LUC7L3: variants seen among roughly 807,000 people sequenced by gnomAD.
LUC7L3 encodes the protein LUC7 like 3 pre-mRNA splicing factor.
In LUC7L3, 6 loss-of-function variants were observed where a neutral mutation model predicts 66.8. The observed-to-expected ratio is 0.09, with a 90% CI of 0.05 to 0.18. The LOEUF (loss-of-function observed/expected upper bound fraction) is 0.18, where lower values mean the gene tolerates loss of function less well. Among genes scored for constraint, LUC7L3 ranks in the 10% least tolerant of loss-of-function variants. LUC7L3 has a pLI of 1.00. For missense variants in LUC7L3, 341 were observed against 531.1 expected, an observed-to-expected ratio of 0.64 and a Z score of 3.52; for synonymous variants, 160 against 174.7, an observed-to-expected ratio of 0.92 and a Z score of 0.66.
chr17:50,741,064 A>G, intron 3 of LUC7L3, 38 bp from the exon 4 acceptor site: 1 of 1,608,642 alleles, frequency 6.2e-7, no homozygotes, highest in Non-Finnish European at 8.5e-7. Context: ...ATGGCTGAAG[A>G]TTTGGAAATG....
intron 9 of LUC7L3, 91 bp from the exon 10 acceptor site, chr17:50,750,410 C>A: frequency 8.3e-7 from 1 of 1,202,040 alleles, no homozygotes. Flanking sequence ...ATGATTGTCT[C>A]TCATCTCTCA....
chr17:50,744,979 T>G (rs972631061), intron 7 of LUC7L3, among the ~76,000 whole-genome samples, 166 bp downstream of exon 7: 5 of 152,000 alleles, frequency 3.3e-5, no homozygotes, highest in Admixed American at 6.6e-5. Flanking sequence ...GCCTGGCTAA[T>G]TTTTGTTTGT....
At chr17:50,728,861 C>CT (rs893969865) in intron 1 of LUC7L3, among the ~76,000 whole-genome samples, 9 of 151,510 alleles carry the variant, frequency 5.9e-5, no homozygotes, top group Non-Finnish European at 1.0e-4. Context: ...GCTTGTGTTC[C>CT]TTTTTTTTAA....
intron 4 of LUC7L3, 52 bp downstream of exon 4, chr17:50,741,298 C>T: frequency 6.5e-7 from 1 of 1,546,320 alleles, no homozygotes; most frequent in Non-Finnish European, 8.8e-7. Flanking sequence ...TCTGGAGATT[C>T]AGAGACCTCC....
chr17:50,724,685 G>A (rs1403610558), intron 1 of LUC7L3, among the ~76,000 whole-genome samples: 1 of 150,948 alleles, frequency 6.6e-6, no homozygotes, highest in Non-Finnish European at 1.5e-5. Context: ...CTCACAAAAG[G>A]AGAAGGTAGC....
At chr17:50,737,854 G>GA (rs982820249) in intron 2 of LUC7L3, among the ~76,000 whole-genome samples, 6 of 152,122 alleles carry the variant, frequency 3.9e-5, no homozygotes, top group African/African-American at 1.4e-4. Flanking sequence ...CCACAAAATA[G>GA]AAAAAAATAA....
rs761990284 is a variant in LUC7L3 at position 50,753,476 on chromosome 17, A to G, written c.*2815A>G. ...TCCACCAAACTTTGAAAAATAATGA[A>G]GCCGCCCCCACTTTAGAGGCTCTGT... is the stretch of plus-strand genomic sequence containing the variant. On this transcript the variant is annotated 3_prime_UTR_variant, in exon 10 of 10. Coordinates refer to ENST00000505658, the MANE Select transcript of LUC7L3 (RefSeq NM_016424.5). 1.3e-5 allele frequency: 2 copies of G among 152,276 alleles called. No homozygotes were observed. The highest frequency in any genetic ancestry group is 4.8e-5 in the African/African-American group (2 of 41,436). 9.4% of individuals were successfully genotyped at this position (152,276 alleles called of 1,614,324 possible).
intron 5 of LUC7L3, 97 bp from the exon 6 acceptor site, chr17:50,743,609 A>T: frequency 1.3e-6 from 1 of 751,408 alleles, no homozygotes; most frequent in Non-Finnish European, 2.2e-6. Context: ...AACCAAACAA[A>T]AAAGATGGAA....
At chr17:50,749,220 G>A in intron 9 of LUC7L3, 18 of 1,289,116 alleles carry the variant, frequency 1.4e-5, no homozygotes, top group Non-Finnish European at 1.8e-5. Flanking sequence ...TTTACATAGG[G>A]CAGAAGATAA....
intron 1 of LUC7L3, among the ~76,000 whole-genome samples, chr17:50,735,170 C>T (rs897173343): frequency 1.4e-4 from 21 of 148,106 alleles, no homozygotes; most frequent in Admixed American, 1.4e-4. Context: ...GGAGAGGTTG[C>T]GGTGAGCCAA....
intron 2 of LUC7L3, chr17:50,738,202 A>G (rs1421387485): frequency 2.2e-6 from 1 of 446,700 alleles, no homozygotes; most frequent in Non-Finnish European, 4.5e-6. Flanking sequence ...CTCTGCAGGT[A>G]CTGACCCTTG....
Position 50,736,973 on chromosome 17 carries a change from A to G in LUC7L3, c.113A>G (p.Tyr38Cys), listed in dbSNP as rs774737192. The G allele has an allele frequency of 6.2e-7, 1 of 1,609,318 alleles. No individual in the cohort carries two copies. Among genetic ancestry groups the G allele is most frequent in the South Asian group, 1.1e-5 (1 of 90,124 alleles). ...TTTCTTTACTAGGTTTGTAAATATT[A>G]TCTCTGTGGTTTTTGTCCTGCGGAA... ...RWDHESVCKYYLCGFCPAELF... is the reference protein window; with the variant it reads ...RWDHESVCKYCLCGFCPAELF... The change falls in exon 2 of 10, where the codon TAT becomes TGT. Residue 38 changes from tyrosine to cysteine, a missense_variant. By Grantham distance (194) the Tyr-to-Cys change is radical. Around this residue, in one of 6 missense-constraint regions of LUC7L3, gnomAD observed 19 missense variants for 17.4 expected, o/e 1.09. Transcript: ENST00000505658.
Position 50,745,813 on chromosome 17 carries a change from A to C in LUC7L3, c.787A>C (p.Arg263=). 1 of 1,589,082 alleles carries C rather than the reference A, an allele frequency of 6.3e-7. No individual in the cohort carries two copies. Among genetic ancestry groups the C allele is most frequent in the Middle Eastern group, 1.7e-4 (1 of 6,030 alleles). Residue 263 remains arginine (R), a synonymous_variant, in exon 8 of 10, where the codon AGA becomes CGA. Transcript: ENST00000505658. ...EREEREKERE[R]EREERERKRR... The stretch of plus-strand genomic sequence containing the variant: ...AGAAGAAAGAGAAAAAGAACGGGAG[A>C]GAGAAAGGGAAGAAAGAGAAAGGAA...
rs888846593 is a variant in LUC7L3, at chr17:50,754,062, A to G, written c.*3401A>G. On this transcript the variant is annotated 3_prime_UTR_variant, in exon 10 of 10. Coordinates refer to ENST00000505658, the MANE Select transcript of LUC7L3 (RefSeq NM_016424.5). ...ACTGATTGTTGCTAACCAGCTCACA[A>G]GAATCCAGTATTGAGACCAGTTCAC... 3 of 152,212 alleles carry G rather than the reference A, an allele frequency of 2.0e-5. No homozygotes were observed. Among genetic ancestry groups the G allele is most frequent in the African/African-American group, 7.2e-5 (3 of 41,456 alleles). The allele number at this position is 152,212 out of a possible 1,614,324, so 9.4% of individuals were successfully genotyped here.
At chr17:50,738,616 A>C (rs1212097010) in intron 2 of LUC7L3, among the ~76,000 whole-genome samples, 1 of 152,232 alleles carries the variant, frequency 6.6e-6, no homozygotes. Flanking sequence ...AACTGAAGAA[A>C]TAGAACTAAA....
chr17:50,734,666 TAA>T (rs1380518652), intron 1 of LUC7L3, among the ~76,000 whole-genome samples: 6 of 152,094 alleles, frequency 3.9e-5, no homozygotes, highest in Non-Finnish European at 5.9e-5. Context: ...AGAATAATCT[TAA>T]AAATCAAGTA....
At position 50,719,698 on chromosome 17, in the gene LUC7L3, T is replaced by C. The variant is rs1323475158; in HGVS notation, c.-35T>C. 1.9e-6 allele frequency: 3 copies of C among 1,565,000 alleles called. No individual in the cohort carries two copies. The highest frequency in any genetic ancestry group is 2.6e-6 in the Non-Finnish European group (3 of 1,143,780). ...GCCCGTGTTTTCGTTGGCGGGTGCC[T>C]GGGCTGGTGGGAACAGCCGCCCGAA... On this transcript the variant is annotated 5_prime_UTR_variant, in exon 1 of 10. Transcript: ENST00000505658.
chr17:50,722,047 A>G (rs965759064), intron 1 of LUC7L3: 2 of 151,978 alleles, frequency 1.3e-5, no homozygotes, highest in African/African-American at 4.8e-5. Context: ...GTCCCTAGAT[A>G]GCTGTATTTG....
intron 1 of LUC7L3, chr17:50,722,947 T>G (rs1196116777): frequency 6.6e-6 from 1 of 152,242 alleles, no homozygotes; most frequent in Non-Finnish European, 1.5e-5. Context: ...TTGTTTTGGT[T>G]TTTTGCACTA....
Sources: gnomAD v4.1 joint callset for allele counts (sites outside exome capture counted in the v4.1 genomes callset) on GRCh38, gnomAD v4.1.1 for gene constraint, gnomAD v4.1.1 regional missense constraint, MANE v1.5 for transcripts, NCBI Gene and HGNC (gene_info 2026-07-23, HGNC 2026-07-21) for gene names.